The following CSGALNACT1 variants were observed in gnomAD, a reference collection of about 807,000 sequenced individuals.
CSGALNACT1 encodes chondroitin sulfate N-acetylgalactosaminyltransferase 1.
In CSGALNACT1, 52 loss-of-function variants were observed where a neutral mutation model predicts 51.0. The ratio of observed to expected loss-of-function variants is 1.02; its 90% confidence interval spans 0.82 to 1.29. The LOEUF is 1.29. Ranked by LOEUF, CSGALNACT1 falls within the 50% of genes most tolerant of loss-of-function variation. The pLI is 0.00. For synonymous variants in CSGALNACT1, 341 were observed against 254.4 expected, an observed-to-expected ratio of 1.34 and a Z score of -3.24; for missense variants, 935 against 679.2, an observed-to-expected ratio of 1.38 and a Z score of -4.19.
chr8:19,659,434 C>T (rs1223107712), intron 1 of CSGALNACT1, among the ~76,000 whole-genome samples: 1 of 152,194 alleles, frequency 6.6e-6, no homozygotes, highest in Non-Finnish European at 1.5e-5. Context: ...ATTGCCAATT[C>T]AAACTCTTCT....
chr8:19,679,356 G>A (rs2060426978), intron 1 of CSGALNACT1, among the ~76,000 whole-genome samples: 1 of 152,074 alleles, frequency 6.6e-6, no homozygotes, highest in African/African-American at 2.4e-5. Flanking sequence ...TTGGGAGGCT[G>A]AGGTGAGAGA....
At chr8:19,732,099 GT>G (rs1451186823) in intron 1 of CSGALNACT1, among the ~76,000 whole-genome samples, 4 of 152,140 alleles carry the variant, frequency 2.6e-5, no homozygotes, top group Non-Finnish European at 5.9e-5. Context: ...GTAAGCTAAA[GT>G]TGCAATGTGA....
At chr8:19,678,333 T>C (rs1361188891) in intron 1 of CSGALNACT1, among the ~76,000 whole-genome samples, 1 of 152,032 alleles carries the variant, frequency 6.6e-6, no homozygotes, top group Admixed American at 6.6e-5. Context: ...ACAGGCAAAG[T>C]TTTCGGATTG....
intron 1 of CSGALNACT1, among the ~76,000 whole-genome samples, chr8:19,715,104 G>T (rs981440072): frequency 5.3e-5 from 8 of 152,166 alleles, no homozygotes; most frequent in Non-Finnish European, 1.0e-4. Context: ...GGAGGTGAAA[G>T]GTACTTCTTA....
chr8:19,474,158 C>T (rs1264032974), intron 4 of CSGALNACT1, among the ~76,000 whole-genome samples: 1 of 152,062 alleles, frequency 6.6e-6, no homozygotes, highest in Non-Finnish European at 1.5e-5. Flanking sequence ...GCCAGCTAAA[C>T]AGGTGCTATA....
chr8:19,712,174 C>T (rs932851484), intron 1 of CSGALNACT1, among the ~76,000 whole-genome samples: 3 of 152,212 alleles, frequency 2.0e-5, no homozygotes, highest in African/African-American at 2.4e-5. Context: ...TACAGGTTCG[C>T]GCCGCCACGC....
intron 3 of CSGALNACT1, among the ~76,000 whole-genome samples, chr8:19,537,919 T>C (rs2154066046): frequency 6.6e-6 from 1 of 152,354 alleles, no homozygotes; most frequent in Middle Eastern, 3.4e-3. Context: ...ACTTTTGCTC[T>C]GCAAAATTCT....
At chr8:19,422,948 G>C (rs1025219232) in intron 6 of CSGALNACT1, among the ~76,000 whole-genome samples, 1 of 152,228 alleles carries the variant, frequency 6.6e-6, no homozygotes, top group Non-Finnish European at 1.5e-5. Flanking sequence ...TTTCTTCGCT[G>C]TTTCCAGGTT....
upstream of CSGALNACT1, among the ~76,000 whole-genome samples, chr8:19,606,998 AC>A (rs781067074): frequency 9.9e-5 from 15 of 152,052 alleles, no homozygotes; most frequent in Non-Finnish European, 1.9e-4. Context: ...TACTAAAAAT[AC>A]AAAAAATTAG....
At chr8:19,614,910 G>GTT (rs1418794725) in intron 1 of CSGALNACT1, among the ~76,000 whole-genome samples, 2 of 152,198 alleles carry the variant, frequency 1.3e-5, no homozygotes, top group African/African-American at 4.8e-5. Flanking sequence ...GACAGGATGT[G>GTT]TAACAGAGAA....
intron 3 of CSGALNACT1, among the ~76,000 whole-genome samples, chr8:19,558,039 G>A (rs989556178): frequency 3.3e-5 from 5 of 152,182 alleles, no homozygotes; most frequent in African/African-American, 4.8e-5. Flanking sequence ...TTTTAGTAAC[G>A]TCACTCATCT....
intron 1 of CSGALNACT1, among the ~76,000 whole-genome samples, chr8:19,694,172 A>G (rs73216645): frequency 0.015 from 2,243 of 152,346 alleles, 29 homozygotes; most frequent in South Asian, 0.046. Context: ...AACTGGCCCA[A>G]ACTCACCTGA....
intron 3 of CSGALNACT1, among the ~76,000 whole-genome samples, chr8:19,544,492 TTTTC>T (rs1457656685): frequency 9.8e-5 from 15 of 152,338 alleles, no homozygotes; most frequent in African/African-American, 3.4e-4. Flanking sequence ...ATTTCGTGTG[TTTTC>T]TTTAACTACT....
chr8:19,485,772 T>TTC (rs2072754137), intron 4 of CSGALNACT1, among the ~76,000 whole-genome samples: 1 of 132,248 alleles, frequency 7.6e-6, no homozygotes, highest in African/African-American at 2.8e-5. Flanking sequence ...TTTTTTTTTT[T>TTC]TTTTTTTTTT....
chr8:19,541,553 ATTTTTTTTTT>A (rs1159626193), intron 3 of CSGALNACT1, among the ~76,000 whole-genome samples: 6 of 70,098 alleles, frequency 8.6e-5, no homozygotes, highest in Non-Finnish European at 1.0e-4. Flanking sequence ...TGCTCAGCCA[ATTTTTTTTTT>A]TTTTTTTTTT....
Position 19,595,655 on chromosome 8 carries a change from C to G in CSGALNACT1, c.-415-4377G>C, listed in dbSNP as rs115096762. ...ATCTGGCCAGACATGGTGGCTCACA[C>G]CTGTAATCCCAGCACTTTGGGAGGC... On this transcript the variant is annotated intron_variant, in intron 2 of 9. Transcript: ENST00000454498. Among the ~76,000 whole-genome samples, 892 of 152,050 alleles carry G rather than the reference C, an allele frequency of 5.9e-3. 8 individuals are homozygous for G. Among genetic ancestry groups the G allele is most frequent in the African/African-American group, 0.02 (839 of 41,466 alleles).
At chr8:19,631,076 A>T (rs2055190304) in intron 1 of CSGALNACT1, among the ~76,000 whole-genome samples, 1 of 152,152 alleles carries the variant, frequency 6.6e-6, no homozygotes, top group Non-Finnish European at 1.5e-5. Context: ...GTATGACCAC[A>T]CCACTGTTGG....
At chr8:19,644,054 T>C (rs1589231547) in intron 1 of CSGALNACT1, among the ~76,000 whole-genome samples, 1 of 152,136 alleles carries the variant, frequency 6.6e-6, no homozygotes, top group East Asian at 1.9e-4. Flanking sequence ...CATTGGAGAA[T>C]GCTAAGTTAT....
At chr8:19,560,532 A>C (rs144440049) in intron 3 of CSGALNACT1, among the ~76,000 whole-genome samples, 1 of 152,238 alleles carries the variant, frequency 6.6e-6, no homozygotes. Flanking sequence ...GAATTCTGCA[A>C]ACAATTCAAT....
Sources: gnomAD v4.1 joint callset for allele counts (sites outside exome capture counted in the v4.1 genomes callset) on GRCh38, gnomAD v4.1.1 for gene constraint, MANE v1.5 for transcripts, NCBI Gene and HGNC (gene_info 2026-07-23, HGNC 2026-07-21) for gene names.